EMILIN1: variants seen among roughly 807,000 people sequenced by gnomAD.
The protein encoded by EMILIN1 is EMILIN-1.
A neutral mutation model predicts 82.4 loss-of-function variants in EMILIN1; 49 were observed. The ratio of observed to expected loss-of-function variants is 0.59; its 90% confidence interval spans 0.47 to 0.75. The LOEUF (loss-of-function observed/expected upper bound fraction) is 0.75. Among genes scored for constraint, EMILIN1 ranks in the 30% least tolerant of loss-of-function variants. EMILIN1 has a pLI of 0.00. For synonymous variants in EMILIN1, 604 were observed against 602.2 expected (o/e 1.00, Z -0.04); for missense variants, 1,313 against 1,366.4 (o/e 0.96, Z 0.62).
rs1332102826 is a variant in EMILIN1 at position 27,082,689 on chromosome 2, C to T, written c.1118C>T (p.Ala373Val). The change falls in exon 4 of 8, where the codon GCC (alanine) becomes GTC (valine). Residue 373 changes from alanine (A) to valine (V), a missense_variant. Physicochemically the swap from Ala to Val is moderately conservative, Grantham distance 64. Coordinates refer to ENST00000380320, the MANE Select transcript of EMILIN1 (RefSeq NM_007046.4). The part of the protein sequence containing the change: ...AELERRLDVV[A>V]GSVTVLSGRR... ...CTGGAGCGCAGGCTGGATGTCGTGG[C>T]CGGCTCAGTGACAGTGCTGAGTGGG... 2 of 1,553,776 alleles carry T rather than the reference C, an allele frequency of 1.3e-6. No homozygotes were observed. Among genetic ancestry groups the T allele is most frequent in the Non-Finnish European group, 1.7e-6 (2 of 1,153,262 alleles).
Position 27,080,783 on chromosome 2 carries a change from C to G in EMILIN1, c.342C>G (p.Thr114=), listed in dbSNP as rs755476611. 2 of 1,613,836 alleles carry G rather than the reference C, an allele frequency of 1.2e-6. No individual in the cohort carries two copies. The highest frequency in any genetic ancestry group is 1.7e-6 in the Non-Finnish European group (2 of 1,179,972). ...ACCGTGTGGCCTACAAGACAGTGAC[C>G]GACATGGAGTGGAGGTGCTGTCAGG... is the stretch of plus-strand genomic sequence containing the variant. ...PRYRVAYKTV[T]DMEWRCCQGY... Residue 114 remains threonine (T), a synonymous_variant, in exon 3 of 8, where the codon ACC becomes ACG. Transcript: ENST00000380320.
chr2:27,086,240 AC>A lies in EMILIN1; in HGVS notation c.*229del, dbSNP rs202129462. ...TTTGGCCTGGCGCGATCCCCCAAGA[AC>A]CCCTCCAGGGCCGGCCTGCGGAGGA... On this transcript the variant is annotated 3_prime_UTR_variant, in exon 8 of 8. Transcript: ENST00000380320. 1.5e-3 allele frequency: 556 copies of A among 369,758 alleles called. 2 individuals are homozygous for A. The highest frequency in any genetic ancestry group is 0.011 in the African/African-American group (516 of 46,750). 22.9% of individuals were successfully genotyped at this position (369,758 alleles called of 1,614,324 possible).
chr2:27,084,160 G>A, intron 4 of EMILIN1, 149 bp downstream of exon 4: 1 of 978,752 alleles, frequency 1.0e-6, no homozygotes, highest in Non-Finnish European at 1.5e-6. Flanking sequence ...GTTATAGTTT[G>A]CCTGCAAGAG....
In EMILIN1 at chr2:27,085,923, C is replaced by T. The variant is rs1417706699; in HGVS notation, c.2959C>T (p.Leu987=). Residue 987 remains leucine, a synonymous_variant, in exon 8 of 8, where the codon CTG becomes TTG. Transcript: ENST00000380320. ...GGCCGGGGACACGGTCTGCGTCGAC[C>T]TGGTCATGGGGCAGCTGGCGCACTC... ...LQAGDTVCVD[L]VMGQLAHSEE... is the part of the protein sequence containing the mutation. 1.7e-5 allele frequency: 26 copies of T among 1,547,792 alleles called. No homozygotes were observed. The highest frequency in any genetic ancestry group is 8.2e-5 in the South Asian group (7 of 85,172).
At position 27,080,943 on chromosome 2, in the gene EMILIN1, G is replaced by C. The variant is rs779408056; in HGVS notation, c.502G>C (p.Gly168Arg). The C allele has an allele frequency of 9.5e-6, 15 of 1,585,542 alleles. No homozygotes were observed. The highest frequency in any genetic ancestry group is 1.2e-5 in the Non-Finnish European group (14 of 1,164,588). The change falls in exon 3 of 8, where the codon GGG becomes CGG. Residue 168 changes from glycine to arginine, a missense_variant. Gly to Arg is a moderately radical substitution (Grantham distance 125). Transcript: ENST00000380320. Reference protein sequence around the residue: ...SSAGSPLSGLGGEGPGESEKV... With the variant: ...SSAGSPLSGLRGEGPGESEKV... ...TGCAGGCAGCCCCCTCAGTGGACTG[G>C]GGGGAGAAGGTGAGTGTGGGAGCTG...
chr2:27,081,309 C>T (rs184156933), intron 3 of EMILIN1, among the ~76,000 whole-genome samples: 5 of 152,114 alleles, frequency 3.3e-5, no homozygotes, highest in African/African-American at 7.2e-5. Flanking sequence ...AAGCTTGGTC[C>T]GTGGGGACAG....
At chr2:27,081,795 C>A (rs1176880213) in intron 3 of EMILIN1, among the ~76,000 whole-genome samples, 1 of 152,232 alleles carries the variant, frequency 6.6e-6, no homozygotes, top group African/African-American at 2.4e-5. Flanking sequence ...TTTATTAAAC[C>A]TGTGATCCAT....
At chr2:27,082,038 C>CTCTG in intron 3 of EMILIN1, 45 bp from the exon 4 acceptor site, 1 of 1,523,008 alleles carries the variant, frequency 6.6e-7, no homozygotes, top group Non-Finnish European at 8.8e-7. Context: ...GGGCCTTGAG[C>CTCTG]TCTGGGGTCC....
At position 27,083,149 on chromosome 2, in the gene EMILIN1, G is replaced by T; in HGVS notation, c.1578G>T (p.Glu526Asp). 6.3e-7 allele frequency: 1 copy of T among 1,598,610 alleles called. No homozygotes were observed. Among genetic ancestry groups the T allele is most frequent in the Non-Finnish European group, 8.5e-7 (1 of 1,171,530 alleles). ...SGLHTVEAAG[E>D]ARQATLEGLQ... ...TGCACACGGTGGAAGCAGCGGGGGA[G>T]GCCCGGCAGGCCACGCTGGAGGGAT... Residue 526 changes from glutamate (E) to aspartate (D), a missense_variant, in exon 4 of 8, where the codon GAG (glutamate) becomes GAT (aspartate). Transcript: ENST00000380320.
Position 27,082,951 on chromosome 2 carries a change from G to T in EMILIN1, c.1380G>T (p.Leu460=), listed in dbSNP as rs1397830103. ...GGLLANVSGE[L]GGRLDLLEEQ... is the part of the protein sequence containing the mutation. ...TGCTGGCCAATGTGAGCGGGGAGCT[G>T]GGGGGGCGGTTGGATCTGTTGGAGG... The change falls in exon 4 of 8, where the codon CTG becomes CTT. Residue 460 remains leucine (L), a synonymous_variant. Transcript: ENST00000380320. The T allele has an allele frequency of 4.4e-6, 7 of 1,581,032 alleles. No individual in the cohort carries two copies. Among genetic ancestry groups the T allele is most frequent in the African/African-American group, 4.0e-5 (3 of 74,186 alleles).
intron 4 of EMILIN1, 97 bp downstream of exon 4, chr2:27,084,108 C>T: frequency 7.7e-7 from 1 of 1,299,444 alleles, no homozygotes; most frequent in Non-Finnish European, 1.0e-6. Flanking sequence ...TTTCTCCTTG[C>T]TTTTCCCAAC....
chr2:27,082,369 C>T lies in EMILIN1; in HGVS notation c.798C>T (p.Gly266=), dbSNP rs1402098325. 3.1e-6 allele frequency: 5 copies of T among 1,611,196 alleles called. No homozygotes were observed. Among genetic ancestry groups the T allele is most frequent in the Middle Eastern group, 1.6e-4 (1 of 6,080 alleles). Residue 266 remains glycine, a synonymous_variant, in exon 4 of 8, where the codon GGC becomes GGT. Coordinates refer to ENST00000380320, the MANE Select transcript of EMILIN1 (RefSeq NM_007046.4). ...QELGHLNNHH[G]GSSSSGGSRA... ...TGGGTCACCTCAACAACCATCATGG[C>T]GGCAGCAGCAGCAGTGGGGGCAGCA...
At chr2:27,085,088 G>A in intron 6 of EMILIN1, 72 bp from the exon 7 acceptor site, 1 of 1,613,244 alleles carries the variant, frequency 6.2e-7, no homozygotes, top group Non-Finnish European at 8.5e-7. Context: ...CCCTGGGCTG[G>A]GGATCCAGCA....
In EMILIN1 at chr2:27,082,485, G is replaced by C; in HGVS notation, c.914G>C (p.Cys305Ser). 1 of 1,552,832 alleles carries C rather than the reference G, an allele frequency of 6.4e-7. No homozygotes were observed. The highest frequency in any genetic ancestry group is 8.7e-7 in the Non-Finnish European group (1 of 1,150,540). Residue 305 changes from cysteine (C) to serine (S), a missense_variant, in exon 4 of 8, where the codon TGC (cysteine) becomes TCC (serine). Transcript: ENST00000380320. Reference sequence around the variant, plus strand: ...CGGTTGCAGGAGTCCTGCTCCGTGTGCCTGGCCGGGCTAGATGGCTTCCGC... The same window carrying C: ...CGGTTGCAGGAGTCCTGCTCCGTGTCCCTGGCCGGGCTAGATGGCTTCCGC... ...EQRLQESCSV[C>S]LAGLDGFRRQ...
chr2:27,085,758 G>T lies in EMILIN1; in HGVS notation c.2794G>T (p.Val932Leu). ...TGHRHEKVEA[V>L]LSRSNQGVAR... The stretch of plus-strand genomic sequence containing the variant: ...GCACCGGCACGAGAAAGTGGAGGCC[G>T]TGCTGTCCCGCTCCAACCAGGGCGT... The change falls in exon 8 of 8, where the codon GTG becomes TTG. Residue 932 changes from valine (V) to leucine (L), a missense_variant. By Grantham distance (32) the Val-to-Leu change is conservative. Transcript: ENST00000380320. 2 of 1,612,562 alleles carry T rather than the reference G, an allele frequency of 1.2e-6. No homozygotes were observed. Among genetic ancestry groups the T allele is most frequent in the Non-Finnish European group, 1.7e-6 (2 of 1,179,696 alleles).
chr2:27,084,021 C>G lies in EMILIN1; in HGVS notation c.2440+10C>G, dbSNP rs1231577243. ...CTGAAGGACCTCACTGGTGAGGGGA[C>G]AAAAGGCATGAGGGGACCCCTTTCA... On this transcript the variant is annotated intron_variant, in intron 4 of 7. Transcript: ENST00000380320. The G allele has an allele frequency of 1.4e-6, 2 of 1,473,996 alleles. No homozygotes were observed. The highest frequency in any genetic ancestry group is 2.9e-5 in the South Asian group (2 of 69,164). The allele number at this position is 1,473,996 out of a possible 1,614,324, so 91.3% of individuals were successfully genotyped here. A position where few individuals can be genotyped will look rare whatever the true frequency, so the allele number is the denominator to read the frequency against.
rs1189097862 is a variant in EMILIN1 at position 27,082,273 on chromosome 2, T to C, written c.702T>C (p.His234=). ...PADAAARPGV[H]ETLNEIQHQL... ...ACGCGGCTGCCCGCCCTGGGGTGCATGAAACCCTCAATGAGATCCAGCACC... is the reference window on the plus strand; with the variant it reads ...ACGCGGCTGCCCGCCCTGGGGTGCACGAAACCCTCAATGAGATCCAGCACC... Residue 234 remains histidine, a synonymous_variant, in exon 4 of 8, where the codon CAT becomes CAC. Transcript: ENST00000380320. 1.2e-6 allele frequency: 2 copies of C among 1,613,068 alleles called. No homozygotes were observed. Among genetic ancestry groups the C allele is most frequent in the African/African-American group, 1.3e-5 (1 of 74,922 alleles).
In EMILIN1 at chr2:27,085,955, G is replaced by C; in HGVS notation, c.2991G>C (p.Glu997Asp). 6.6e-7 allele frequency: 1 copy of C among 1,513,806 alleles called. No individual in the cohort carries two copies. The highest frequency in any genetic ancestry group is 8.9e-7 in the Non-Finnish European group (1 of 1,122,930). 93.8% of individuals were successfully genotyped at this position (1,513,806 alleles called of 1,614,324 possible). A position where few individuals can be genotyped will look rare whatever the true frequency, so the allele number is the denominator to read the frequency against. Residue 997 changes from glutamate to aspartate, a missense_variant, in exon 8 of 8, where the codon GAG (glutamate) becomes GAC (aspartate). Coordinates refer to ENST00000380320, the MANE Select transcript of EMILIN1 (RefSeq NM_007046.4). ...TGGGGCAGCTGGCGCACTCGGAGGA[G>C]CCGCTCACCATCTTCAGCGGGGCCC... The part of the protein sequence containing the change: ...LVMGQLAHSE[E>D]PLTIFSGALL...
In EMILIN1 at chr2:27,082,443, T is replaced by C; in HGVS notation, c.872T>C (p.Leu291Pro). 1.9e-6 allele frequency: 3 copies of C among 1,587,048 alleles called. No individual in the cohort carries two copies. The highest frequency in any genetic ancestry group is 1.1e-5 in the South Asian group (1 of 88,830). Residue 291 changes from leucine to proline, a missense_variant, in exon 4 of 8, where the codon CTG (leucine) becomes CCG (proline). Leu to Pro is a moderately conservative substitution (Grantham distance 98). Transcript: ENST00000380320. ...CCTCCGGGCCCCAGTGAGGAGCTGC[T>C]GCGGCAGCTGGAGCAGCGGTTGCAG... Reference protein sequence around the residue: ...SAPPGPSEELLRQLEQRLQES... With the variant: ...SAPPGPSEELPRQLEQRLQES...
Sources: gnomAD v4.1 joint callset for allele counts (sites outside exome capture counted in the v4.1 genomes callset) on GRCh38, gnomAD v4.1.1 for gene constraint, MANE v1.5 for transcripts, NCBI Gene and HGNC (gene_info 2026-07-23, HGNC 2026-07-21) for gene names.